Variants in PLCB4 observed in about 807,000 individuals in gnomAD.
PLCB4 encodes the protein 1-phosphatidylinositol 4,5-bisphosphate phosphodiesterase beta-4.
Under a neutral mutation model 178.8 loss-of-function variants are expected in PLCB4, and 77 were observed. The ratio of observed to expected loss-of-function variants is 0.43; its 90% CI spans 0.36 to 0.52. The LOEUF (loss-of-function observed/expected upper bound fraction) is 0.52. PLCB4 is among the 20% of genes least tolerant of loss of function. The pLI, the probability that PLCB4 is intolerant of heterozygous loss-of-function variation, is 0.00. For synonymous variants in PLCB4, 496 were observed against 490.8 expected, an observed-to-expected ratio of 1.01 and a Z score of -0.14; for missense variants, 1,024 against 1,453.4, an observed-to-expected ratio of 0.70 and a Z score of 4.80.
rs190426350 is a variant in PLCB4, at chr20:9,476,560, G to T, written c.3496-157G>T. 2.1e-3 allele frequency among the ~76,000 whole-genome samples: 325 copies of T among 152,246 alleles called. 1 individual carries two copies. The highest frequency in any genetic ancestry group is 7.3e-3 in the African/African-American group (302 of 41,556). ...TTCTGTTGAGATCAACTAGGGGAAA[G>T]TTTGTCACTGAGGGGTGTGTACATG... On this transcript the variant is annotated intron_variant, in intron 38 of 39. Coordinates refer to ENST00000378473, the MANE Select transcript of PLCB4 (RefSeq NM_001377142.1).
intron 3 of PLCB4, among the ~76,000 whole-genome samples, chr20:9,263,933 T>G (rs1469629052): frequency 6.6e-6 from 1 of 152,228 alleles, no homozygotes; most frequent in Non-Finnish European, 1.5e-5. Flanking sequence ...TAATTAGTTA[T>G]TACCTTGAGG....
chr20:9,257,551 A>G (rs1311573889), intron 3 of PLCB4, among the ~76,000 whole-genome samples: 1 of 152,196 alleles, frequency 6.6e-6, no homozygotes, highest in East Asian at 1.9e-4. Context: ...ATTTTAATCC[A>G]AATGTTTCAT....
At chr20:9,376,165 G>A (rs889790101) in intron 12 of PLCB4, among the ~76,000 whole-genome samples, 12 of 151,920 alleles carry the variant, frequency 7.9e-5, no homozygotes, top group African/African-American at 2.9e-4. Context: ...TTCCTTGTTC[G>A]TTGCTCCCCA....
chr20:9,238,541 C>G (rs1235598222), intron 3 of PLCB4, among the ~76,000 whole-genome samples: 1 of 152,166 alleles, frequency 6.6e-6, no homozygotes. Flanking sequence ...ACGCTGTCAC[C>G]AGGCAAGGCC....
At chr20:9,429,320 G>A (rs1568814785) in intron 28 of PLCB4, among the ~76,000 whole-genome samples, 1 of 152,130 alleles carries the variant, frequency 6.6e-6, no homozygotes, top group Non-Finnish European at 1.5e-5. Flanking sequence ...TCACCTGCCA[G>A]TGGATGCCGA....
chr20:9,447,909 C>A (rs1194851356), intron 32 of PLCB4, among the ~76,000 whole-genome samples: 2 of 152,134 alleles, frequency 1.3e-5, no homozygotes, highest in Non-Finnish European at 2.9e-5. Context: ...CCTATCAGGG[C>A]ACAAATATCT....
At chr20:9,411,116 ACCTAGATTGAGAACT>A (rs1409099111) in intron 25 of PLCB4, 28 bp downstream of exon 25, 1 of 1,510,022 alleles carries the variant, frequency 6.6e-7, no homozygotes, top group African/African-American at 1.4e-5. Context: ...AACTGTTTTC[ACCTAGATTGAGAACT>A]CCATACTACA....
At chr20:9,299,368 A>G (rs890799692) in intron 3 of PLCB4, among the ~76,000 whole-genome samples, 2 of 152,076 alleles carry the variant, frequency 1.3e-5, no homozygotes, top group African/African-American at 2.4e-5. Flanking sequence ...AGTATTAAAG[A>G]AAAGAAAATT....
intron 2 of PLCB4, among the ~76,000 whole-genome samples, chr20:9,127,085 A>G (rs1339504785): frequency 6.6e-6 from 1 of 152,164 alleles, no homozygotes; most frequent in Non-Finnish European, 1.5e-5. Context: ...ACGTTTTACC[A>G]CCAAGGCACT....
chr20:9,138,603 A>G (rs906271314), intron 2 of PLCB4, among the ~76,000 whole-genome samples: 2 of 152,114 alleles, frequency 1.3e-5, no homozygotes, highest in African/African-American at 4.8e-5. Context: ...AGAATTACCT[A>G]AAATATGAAA....
intron 12 of PLCB4, among the ~76,000 whole-genome samples, chr20:9,377,838 T>C (rs1395554820): frequency 6.6e-6 from 1 of 152,194 alleles, no homozygotes; most frequent in Non-Finnish European, 1.5e-5. Context: ...TTTTTACTGA[T>C]GTGCAAATAT....
At chr20:9,261,594 A>T (rs911614078) in intron 3 of PLCB4, among the ~76,000 whole-genome samples, 3 of 152,214 alleles carry the variant, frequency 2.0e-5, no homozygotes, top group African/African-American at 7.2e-5. Context: ...TTAAATTGGG[A>T]ATGAATATAT....
chr20:9,277,720 A>G (rs1054907464), intron 3 of PLCB4, among the ~76,000 whole-genome samples: 4 of 151,980 alleles, frequency 2.6e-5, no homozygotes, highest in Non-Finnish European at 4.4e-5. Flanking sequence ...GGAGGAGAGA[A>G]GGGACATAAT....
At chr20:9,360,259 G>A (rs1362026983) in intron 7 of PLCB4, among the ~76,000 whole-genome samples, 1 of 152,156 alleles carries the variant, frequency 6.6e-6, no homozygotes, top group East Asian at 1.9e-4. Context: ...ACTAACTAAA[G>A]CATGGGCCCT....
Position 9,251,705 on chromosome 20 carries a change from G to T in PLCB4, c.-16+34253G>T, listed in dbSNP as rs1380902248. 3.3e-5 allele frequency among the ~76,000 whole-genome samples: 5 copies of T among 151,586 alleles called. No homozygotes were observed. In the East Asian group the frequency reaches 7.8e-4, roughly 24 times the overall value. On this transcript the variant is annotated intron_variant, in intron 3 of 39. Transcript: ENST00000378473. ...CCCCTTAGTTCTTACCCATTAGATG[G>T]ATTACTGGCAATAATAAATGACTGG...
chr20:9,275,114 A>T (rs1206789290), intron 3 of PLCB4, among the ~76,000 whole-genome samples: 1 of 152,064 alleles, frequency 6.6e-6, no homozygotes, highest in African/African-American at 2.4e-5. Flanking sequence ...ATAAAAACAT[A>T]CCCGAGTCTG....
At chr20:9,348,829 G>A (rs1241888980) in intron 7 of PLCB4, among the ~76,000 whole-genome samples, 2 of 152,162 alleles carry the variant, frequency 1.3e-5, no homozygotes, top group Non-Finnish European at 2.9e-5. Context: ...TATCAGTGAA[G>A]TTATTTCTTT....
intron 3 of PLCB4, among the ~76,000 whole-genome samples, chr20:9,297,153 C>A (rs543613126): frequency 6.6e-6 from 1 of 150,598 alleles, no homozygotes; most frequent in South Asian, 2.1e-4. Flanking sequence ...CTTCTATAGC[C>A]CGCACCCCCC....
intron 3 of PLCB4, among the ~76,000 whole-genome samples, chr20:9,218,763 G>C (rs1275192555): frequency 6.6e-6 from 1 of 152,132 alleles, no homozygotes; most frequent in Non-Finnish European, 1.5e-5. Flanking sequence ...ATTTATTATT[G>C]AATGTTCCTA....
Sources: gnomAD v4.1 joint callset for allele counts (sites outside exome capture counted in the v4.1 genomes callset) on GRCh38, gnomAD v4.1.1 for gene constraint, MANE v1.5 for transcripts, NCBI Gene and HGNC (gene_info 2026-07-23, HGNC 2026-07-21) for gene names.